The following SEC31A variants were observed in gnomAD, a reference collection of about 807,000 sequenced individuals.
The protein encoded by SEC31A is protein transport protein Sec31A.
SEC31A carries 70 observed loss-of-function variants against 151.0 expected under a neutral mutation model. The ratio of observed to expected loss-of-function variants is 0.46; its 90% CI spans 0.38 to 0.57. The LOEUF (loss-of-function observed/expected upper bound fraction) is 0.57. SEC31A is among the 20% of genes least tolerant of loss of function. The pLI, the probability that SEC31A is intolerant of heterozygous loss-of-function variation, is 0.00. For synonymous variants in SEC31A, 475 were observed against 505.9 expected (o/e 0.94, Z 0.82); for missense variants, 1,330 against 1,471.2 (o/e 0.90, Z 1.57).
Position 82,885,226 on chromosome 4 carries a change from G to A in SEC31A, c.-4-3286C>T, listed in dbSNP as rs114336116. Among the ~76,000 whole-genome samples the A allele has an allele frequency of 3.8e-3, 572 of 152,260 alleles. 5 individuals carry two copies. The highest frequency in any genetic ancestry group is 0.013 in the African/African-American group (542 of 41,548). On this transcript the variant is annotated intron_variant, in intron 1 of 26. Transcript: ENST00000395310. ...GATCCAATTTGAAAATCTTTTCACA[G>A]TAGGTTAGCTAAGGACATTTAAAAT...
At chr4:82,853,436 T>C in intron 18 of SEC31A, 134 bp downstream of exon 18, 1 of 729,564 alleles carries the variant, frequency 1.4e-6, no homozygotes. Flanking sequence ...AAGATAGCAA[T>C]AAATGCATAT....
rs185696849 is a variant in SEC31A at position 82,847,561 on chromosome 4, G to A, written c.2502+1243C>T. On this transcript the variant is annotated intron_variant, in intron 20 of 26. Coordinates refer to ENST00000395310, the MANE Select transcript of SEC31A (RefSeq NM_001077207.4). ...GACAGGTAGCTTGGTTTAACAAGAC[G>A]CTTGGGAGTTCTAATCCCAACTTGG... Among the ~76,000 whole-genome samples the A allele has an allele frequency of 7.9e-5, 12 of 152,232 alleles. No homozygotes were observed. In the East Asian group the frequency reaches 9.7e-4, roughly 12 times the overall value.
chr4:82,882,551 G>T (rs555898211), intron 1 of SEC31A, among the ~76,000 whole-genome samples: 1 of 151,830 alleles, frequency 6.6e-6, no homozygotes, highest in Admixed American at 6.6e-5. Context: ...AGTACCTGAA[G>T]AATTAACTTT....
At chr4:82,880,588 CA>C (rs10615367) in intron 3 of SEC31A, 20,524 of 296,714 alleles carry the variant, frequency 0.069, 1 homozygote, top group Middle Eastern at 0.098. Flanking sequence ...GATTCTGTCT[CA>C]AAAAAAAAAA....
chr4:82,894,438 C>CAGGT (rs1272690230), upstream of SEC31A: 1 of 152,208 alleles, frequency 6.6e-6, no homozygotes, highest in African/African-American at 2.4e-5. Flanking sequence ...TGGTACCTAT[C>CAGGT]AGGTATAAAG....
At chr4:82,865,566 A>G (rs1412588915) in intron 10 of SEC31A, among the ~76,000 whole-genome samples, 3 of 44,534 alleles carry the variant, frequency 6.7e-5, no homozygotes, top group African/African-American at 1.3e-4. Context: ...ATATATATAT[A>G]TATATATATA....
Position 82,818,767 on chromosome 4 carries a change from A to G in SEC31A, c.*307T>C. ...CATAACCAGATGCTCCTTTTCTAAA[A>G]AGTATATTGAGGTTTTAAAAAACAC... On this transcript the variant is annotated 3_prime_UTR_variant, in exon 27 of 27. Transcript: ENST00000395310. 4.9e-6 allele frequency: 1 copy of G among 205,468 alleles called. No homozygotes were observed. Among genetic ancestry groups the G allele is most frequent in the Non-Finnish European group, 9.6e-6 (1 of 104,000 alleles). The allele number at this position is 205,468 out of a possible 1,614,324, so 12.7% of individuals were successfully genotyped here.
chr4:82,890,607 T>C (rs1742127375), intron 1 of SEC31A: 1 of 367,434 alleles, frequency 2.7e-6, no homozygotes, highest in Admixed American at 6.4e-5. Context: ...GTCCTTAAAA[T>C]AATCCTAGTT....
chr4:82,867,397 C>A (rs1735642846), intron 8 of SEC31A, 81 bp from the exon 9 acceptor site: 1 of 1,170,126 alleles, frequency 8.5e-7, no homozygotes, highest in South Asian at 1.4e-5. Flanking sequence ...TTAATGTGGT[C>A]AACAAGTATA....
rs72923479 is a variant in SEC31A at position 82,890,928 on chromosome 4, C to T, written c.-5+160G>A. 1.1e-5 allele frequency: 16 copies of T among 1,415,478 alleles called. No individual in the cohort carries two copies. The African/African-American group carries it at 2.2e-4, about 20-fold the overall frequency. 87.7% of individuals were successfully genotyped at this position (1,415,478 alleles called of 1,614,324 possible). A position where few individuals can be genotyped will look rare whatever the true frequency, so the allele number is the denominator to read the frequency against. On this transcript the variant is annotated intron_variant, in intron 1 of 26. Transcript: ENST00000395310. The stretch of plus-strand genomic sequence containing the variant: ...GTCCAGATGCCAGGCGTTGTTCCGC[C>T]GGGCCCGAAACCAAGACTAGGGGCG...
At chr4:82,822,167 T>TA (rs1341736208) in intron 25 of SEC31A, among the ~76,000 whole-genome samples, 1 of 152,268 alleles carries the variant, frequency 6.6e-6, no homozygotes, top group Non-Finnish European at 1.5e-5. Context: ...ATTGGCTGCT[T>TA]ACTATGTGCT....
chr4:82,880,926 T>C lies in SEC31A; in HGVS notation c.80-4A>G, dbSNP rs765212309. ...TCCAATTGCTGAGCAGATGTTCCTATAGAAAATATATTTATGGTAACTATA... is the reference window on the plus strand; with the variant it reads ...TCCAATTGCTGAGCAGATGTTCCTACAGAAAATATATTTATGGTAACTATA... On this transcript the variant is annotated splice_polypyrimidine_tract_variant and splice_region_variant and intron_variant, in intron 2 of 26. Transcript: ENST00000395310. 3.1e-6 allele frequency: 5 copies of C among 1,597,288 alleles called. No individual in the cohort carries two copies. Among genetic ancestry groups the C allele is most frequent in the Non-Finnish European group, 4.3e-6 (5 of 1,170,982 alleles).
At chr4:82,874,166 T>C (rs1737405930) in intron 6 of SEC31A, among the ~76,000 whole-genome samples, 1 of 151,918 alleles carries the variant, frequency 6.6e-6, no homozygotes, top group Admixed American at 6.6e-5. Context: ...GGCTTGATGG[T>C]GCATGCCTGT....
At chr4:82,841,159 C>T (rs1164416553) in intron 22 of SEC31A, among the ~76,000 whole-genome samples, 1 of 151,884 alleles carries the variant, frequency 6.6e-6, no homozygotes, top group Non-Finnish European at 1.5e-5. Flanking sequence ...TGCAGTGGCT[C>T]ACGCCTGTAA....
chr4:82,890,626 G>A lies in SEC31A; in HGVS notation c.-5+462C>T, dbSNP rs1742132397. ...TTAAAATAATCCTAGTTAAATGACA[G>A]TAGACGTCAGTTCAAACCTATGAAC... On this transcript the variant is annotated intron_variant, in intron 1 of 26. Coordinates refer to ENST00000395310, the MANE Select transcript of SEC31A (RefSeq NM_001077207.4). 1.0e-5 allele frequency: 5 copies of A among 477,892 alleles called. No individual in the cohort carries two copies. In the South Asian group the frequency reaches 3.4e-4, roughly 33 times the overall value. The allele number at this position is 477,892 out of a possible 1,614,324, so 29.6% of individuals were successfully genotyped here.
chr4:82,860,176 T>C (rs1342552201), intron 14 of SEC31A, among the ~76,000 whole-genome samples: 2 of 152,172 alleles, frequency 1.3e-5, no homozygotes, highest in Admixed American at 6.5e-5. Flanking sequence ...GAACGAGATA[T>C]AAGGTCAAAA....
At chr4:82,866,592 C>T (rs895973553) in intron 10 of SEC31A, among the ~76,000 whole-genome samples, 1 of 151,806 alleles carries the variant, frequency 6.6e-6, no homozygotes, top group Non-Finnish European at 1.5e-5. Flanking sequence ...ACAAAATGAT[C>T]AATTTTATGT....
At position 82,865,536 on chromosome 4, in the gene SEC31A, GTATATATATA is replaced by G. The variant is rs55681370; in HGVS notation, c.1198-948_1198-939del. On this transcript the variant is annotated intron_variant, in intron 10 of 26. Transcript: ENST00000395310. ...AAATGAATGGATAAAAAAAAATGTG[GTATATATATA>G]TATATATATATATATATATATATAT... 3.2e-3 allele frequency among the ~76,000 whole-genome samples: 438 copies of G among 137,024 alleles called. 5 individuals carry two copies. The highest frequency in any genetic ancestry group is 0.01 in the African/African-American group (368 of 36,276). The allele number at this position is 137,024 out of a possible 152,430, so 89.9% of individuals were successfully genotyped here.
intron 14 of SEC31A, among the ~76,000 whole-genome samples, chr4:82,860,571 G>A (rs969617944): frequency 7.2e-5 from 11 of 152,010 alleles, no homozygotes; most frequent in African/African-American, 2.7e-4. Context: ...GAACTCTTGG[G>A]CTTAAGTGAT....
Sources: allele counts gnomAD v4.1 joint callset (sites outside exome capture counted in the v4.1 genomes callset), GRCh38; gene constraint gnomAD v4.1.1; transcripts MANE v1.5; gene names NCBI Gene and HGNC (gene_info 2026-07-23, HGNC 2026-07-21).